SCML4: variants seen among roughly 807,000 people sequenced by gnomAD.
The protein encoded by SCML4 is Scm polycomb group protein like 4.
SCML4 carries 34 observed loss-of-function variants against 41.1 expected under a neutral mutation model. The observed-to-expected ratio is 0.83, with a 90% CI of 0.63 to 1.10. SCML4 has a LOEUF of 1.10. SCML4 is among the 50% of genes least tolerant of loss of function. The pLI is 0.00. For missense variants in SCML4, 522 were observed against 534.1 expected (o/e 0.98, Z 0.22); for synonymous variants, 214 against 220.9 (o/e 0.97, Z 0.28).
At chr6:107,804,892 GC>G (rs1157984018) in intron 1 of SCML4, among the ~76,000 whole-genome samples, 1 of 152,142 alleles carries the variant, frequency 6.6e-6, no homozygotes, top group African/African-American at 2.4e-5. Flanking sequence ...ATCTCTCGAG[GC>G]CTGGAGCTCA....
chr6:107,802,051 G>T (rs1235387317), intron 1 of SCML4, among the ~76,000 whole-genome samples: 1 of 151,994 alleles, frequency 6.6e-6, no homozygotes, highest in African/African-American at 2.4e-5. Context: ...GATTACAGGC[G>T]TGAGCCACTG....
intron 2 of SCML4, among the ~76,000 whole-genome samples, chr6:107,770,793 C>G (rs1394926449): frequency 6.6e-6 from 1 of 152,182 alleles, no homozygotes; most frequent in Non-Finnish European, 1.5e-5. Flanking sequence ...ATTCTTGGGT[C>G]ACAGCCTCCA....
intron 5 of SCML4, among the ~76,000 whole-genome samples, chr6:107,736,393 C>T (rs11153078): frequency 0.14 from 21,647 of 152,174 alleles, 1,806 homozygotes; most frequent in Middle Eastern, 0.19. Context: ...TGCTGGATAA[C>T]GGGCCTTACA....
intron 5 of SCML4, among the ~76,000 whole-genome samples, chr6:107,725,369 G>A (rs1191787797): frequency 6.6e-6 from 1 of 152,102 alleles, no homozygotes; most frequent in Admixed American, 6.5e-5. Context: ...TAAAGCCAAT[G>A]TCATTGGAGA....
chr6:107,740,757 G>A (rs1040006318), intron 5 of SCML4, among the ~76,000 whole-genome samples: 1 of 152,240 alleles, frequency 6.6e-6, no homozygotes, highest in South Asian at 2.1e-4. Flanking sequence ...GCAAGTGCAG[G>A]TGAGAGATGG....
chr6:107,820,728 C>T (rs966478060), intron 1 of SCML4, among the ~76,000 whole-genome samples: 10 of 152,150 alleles, frequency 6.6e-5, no homozygotes, highest in South Asian at 2.1e-4. Context: ...TTGGTATGGG[C>T]GTATCAACAA....
chr6:107,809,828 C>T (rs1237884682), intron 1 of SCML4, among the ~76,000 whole-genome samples: 1 of 152,152 alleles, frequency 6.6e-6, no homozygotes, highest in Non-Finnish European at 1.5e-5. Context: ...AAGTGCCTAA[C>T]CCCTCACATA....
chr6:107,745,080 T>A lies in SCML4; in HGVS notation c.551A>T (p.Tyr184Phe). 1 of 1,612,920 alleles carries A rather than the reference T, an allele frequency of 6.2e-7. No individual in the cohort carries two copies. Reference protein sequence around the residue: ...RSLPVVNSIGYVLRFLAKLCR... With the variant: ...RSLPVVNSIGFVLRFLAKLCR... ...CAGCTTGGCGAGGAAGCGGAGGACA[T>A]AGCCGATGCTGTTCACCACAGGCAG... Residue 184 changes from tyrosine to phenylalanine, a missense_variant, in exon 5 of 8, where the codon TAT becomes TTT. Tyr to Phe is a conservative substitution (Grantham distance 22). Coordinates refer to ENST00000369020, the MANE Select transcript of SCML4 (RefSeq NM_198081.5).
chr6:107,826,971 G>A (rs1159702452), upstream of SCML4, among the ~76,000 whole-genome samples: 1 of 151,998 alleles, frequency 6.6e-6, no homozygotes, highest in African/African-American at 2.4e-5. Context: ...GCTGAGGCAG[G>A]AGAATGGTGT....
At chr6:107,809,038 G>A (rs993681254) in intron 1 of SCML4, among the ~76,000 whole-genome samples, 9 of 44,244 alleles carry the variant, frequency 2.0e-4, no homozygotes, top group South Asian at 1.2e-3. Flanking sequence ...ATTTACAGGC[G>A]TGGCTTCTGG....
intron 5 of SCML4, among the ~76,000 whole-genome samples, chr6:107,728,600 A>T (rs1449441258): frequency 6.6e-6 from 1 of 152,126 alleles, no homozygotes; most frequent in Non-Finnish European, 1.5e-5. Flanking sequence ...CAAGAGCAAA[A>T]CTCTGTCTCA....
upstream of SCML4, among the ~76,000 whole-genome samples, chr6:107,829,206 T>C (rs188859013): frequency 2.0e-5 from 3 of 151,968 alleles, no homozygotes; most frequent in African/African-American, 7.2e-5. Flanking sequence ...ATGGGAGACC[T>C]TGTCTCTACA....
the SCML4 span, among the ~76,000 whole-genome samples, chr6:107,829,972 G>A: frequency 6.6e-6 from 1 of 152,264 alleles, no homozygotes; most frequent in Admixed American, 6.5e-5. Flanking sequence ...GCCTTAGCCA[G>A]TGCCCTGAGT....
intron 6 of SCML4, among the ~76,000 whole-genome samples, chr6:107,708,448 A>G (rs1349880169): frequency 6.6e-6 from 1 of 152,174 alleles, no homozygotes; most frequent in African/African-American, 2.4e-5. Flanking sequence ...CAGTGAGGCC[A>G]GTGACTTGGG....
rs757259382 is a variant in SCML4, at chr6:107,772,151, AAGG to A, written c.156+18_156+20del. The A allele has an allele frequency of 6.5e-7, 1 of 1,538,100 alleles. No homozygotes were observed. The highest frequency in any genetic ancestry group is 1.2e-5 in the South Asian group (1 of 81,604). On this transcript the variant is annotated intron_variant, in intron 2 of 7. Coordinates refer to ENST00000369020, the MANE Select transcript of SCML4 (RefSeq NM_198081.5). ...GCCCCAGCCCAATACCACTTTGGAG[AAGG>A]AGATGATGGAGCCGTACCTTGTACC...
chr6:107,758,813 C>G (rs1403604208), intron 2 of SCML4, among the ~76,000 whole-genome samples: 1 of 152,078 alleles, frequency 6.6e-6, no homozygotes, highest in East Asian at 1.9e-4. Context: ...GTCTTCTAGC[C>G]TCCAGAAAGG....
At chr6:107,740,151 A>G (rs1195422085) in intron 5 of SCML4, 1 of 471,040 alleles carries the variant, frequency 2.1e-6, no homozygotes, top group Admixed American at 2.3e-5. Flanking sequence ...GAAGGCTGTC[A>G]TCCTCCTGGA....
At chr6:107,716,683 G>A (rs368730822) in intron 6 of SCML4, among the ~76,000 whole-genome samples, 1 of 152,122 alleles carries the variant, frequency 6.6e-6, no homozygotes, top group South Asian at 2.1e-4. Flanking sequence ...GAGCATTTCT[G>A]ATCAGACTTC....
intron 5 of SCML4, among the ~76,000 whole-genome samples, chr6:107,728,531 C>T (rs539080564): frequency 1.7e-3 from 261 of 152,262 alleles, no homozygotes; most frequent in African/African-American, 6.0e-3. Flanking sequence ...ATTGCTTGAA[C>T]CCAGGAGGTG....
Sources: gnomAD v4.1 joint callset for allele counts (sites outside exome capture counted in the v4.1 genomes callset) on GRCh38, gnomAD v4.1.1 for gene constraint, MANE v1.5 for transcripts, NCBI Gene and HGNC (gene_info 2026-07-23, HGNC 2026-07-21) for gene names.